The following ALS2 variants were observed in gnomAD, a reference collection of about 807,000 sequenced individuals.
ALS2 encodes alsin.
ALS2 carries 117 observed loss-of-function variants against 203.4 expected under a neutral mutation model. The ratio of observed to expected loss-of-function variants is 0.58; its 90% CI spans 0.50 to 0.67. ALS2 has a LOEUF of 0.67. ALS2 is among the 30% of genes least tolerant of loss of function. The probability of loss-of-function intolerance (pLI) is 0.00; values close to 1 mark genes in which losing one functional copy is unlikely to be tolerated. For synonymous variants in ALS2, 718 were observed against 725.9 expected (o/e 0.99, Z 0.17); for missense variants, 1,715 against 1,989.4 (o/e 0.86, Z 2.62).
At chr2:201,720,676 T>C (rs1440620052) in intron 23 of ALS2, among the ~76,000 whole-genome samples, 3 of 151,748 alleles carry the variant, frequency 2.0e-5, no homozygotes, top group African/African-American at 7.3e-5. Flanking sequence ...AACACGCCAC[T>C]GCACTCCAGC....
At chr2:201,763,496 G>T in intron 3 of ALS2, 2 of 284,520 alleles carry the variant, frequency 7.0e-6, no homozygotes, top group South Asian at 8.1e-5. Flanking sequence ...TCCGTATCAG[G>T]AATTCACTGG....
intron 23 of ALS2, among the ~76,000 whole-genome samples, chr2:201,721,429 T>C (rs981039700): frequency 1.3e-5 from 2 of 152,152 alleles, no homozygotes; most frequent in African/African-American, 2.4e-5. Context: ...TCAACAGTAA[T>C]CTAGATGGTG....
Position 201,761,777 on chromosome 2 carries a change from C to T in ALS2, c.217G>A (p.Gly73Arg), listed in dbSNP as rs755289146. Residue 73 changes from glycine (G) to arginine (R), a missense_variant, in exon 4 of 34, where the codon GGA becomes AGA. Around this residue, in one of 3 missense-constraint regions of ALS2, gnomAD observed 476 missense variants for 539.3 expected, o/e 0.88. Transcript: ENST00000264276. ...CTACTTGGACAAATCTCCACTGGTC[C>T]ACTTCTCCAGGGAAGAGTCCCAAAG... ...YSFGTLPWRS[G>R]PVEICPSSPI... is the part of the protein sequence containing the mutation. 7.4e-6 allele frequency: 12 copies of T among 1,613,536 alleles called. No individual in the cohort carries two copies. In the East Asian group the frequency reaches 2.5e-4, roughly 33 times the overall value.
At position 201,749,692 on chromosome 2, in the gene ALS2, T is replaced by C. The variant is rs1559072242; in HGVS notation, c.1815+20A>G. 1.3e-6 allele frequency: 2 copies of C among 1,598,590 alleles called. No individual in the cohort carries two copies. Among genetic ancestry groups the C allele is most frequent in the Non-Finnish European group, 1.7e-6 (2 of 1,165,908 alleles). ...AGCTAAGAATTGTGGAATAAGTTGC[T>C]ATCAAGTTCACAAAAGTACCTTTGC... On this transcript the variant is annotated intron_variant, in intron 8 of 33. Transcript: ENST00000264276.
chr2:201,771,026 A>G (rs1487796368), intron 1 of ALS2, among the ~76,000 whole-genome samples: 1 of 145,920 alleles, frequency 6.9e-6, no homozygotes, highest in Non-Finnish European at 1.5e-5. Flanking sequence ...ACATCTTTTT[A>G]CATCAGTATT....
intron 7 of ALS2, among the ~76,000 whole-genome samples, chr2:201,750,719 A>C (rs1692980270): frequency 6.6e-6 from 1 of 152,242 alleles, no homozygotes; most frequent in Admixed American, 6.5e-5. Flanking sequence ...ATCACTGATC[A>C]ACCACTTGGT....
Position 201,757,526 on chromosome 2 carries a change from G to A in ALS2, c.1347C>T (p.Ser449=), listed in dbSNP as rs1408786270. 26 of 1,614,036 alleles carry A rather than the reference G, an allele frequency of 1.6e-5. No individual in the cohort carries two copies. Among genetic ancestry groups the A allele is most frequent in the Non-Finnish European group, 2.2e-5 (26 of 1,179,990 alleles). ...SAIGPEGLKD[S]REEQVKQESM... is the part of the protein sequence containing the mutation. ...ATTCCTGTTTAACCTGTTCTTCCCTGCTATCTTTCAAACCTTCGGGGCCAA... is the reference window on the plus strand; with the variant it reads ...ATTCCTGTTTAACCTGTTCTTCCCTACTATCTTTCAAACCTTCGGGGCCAA... The change falls in exon 5 of 34, where the codon AGC becomes AGT. Residue 449 remains serine (S), a synonymous_variant. Coordinates refer to ENST00000264276, the MANE Select transcript of ALS2 (RefSeq NM_020919.4).
chr2:201,733,006 TCTGATA>T (rs1286703515), intron 13 of ALS2, among the ~76,000 whole-genome samples: 1 of 152,240 alleles, frequency 6.6e-6, no homozygotes, highest in African/African-American at 2.4e-5. Context: ...ATGAGTAGCA[TCTGATA>T]GAGTCTCAAC....
intron 22 of ALS2, 87 bp from the exon 23 acceptor site, chr2:201,723,207 G>A: frequency 2.2e-6 from 3 of 1,392,442 alleles, no homozygotes; most frequent in Non-Finnish European, 3.1e-6. Context: ...AAAGCCTTAT[G>A]GAATCTTAAA....
intron 25 of ALS2, among the ~76,000 whole-genome samples, chr2:201,712,020 G>C (rs543145293): frequency 2.6e-5 from 4 of 152,028 alleles, no homozygotes. Context: ...TAGAGTAGAA[G>C]GTAACAATTA....
intron 1 of ALS2, among the ~76,000 whole-genome samples, chr2:201,779,554 GAGTC>G (rs1485174678): frequency 6.6e-6 from 1 of 152,136 alleles, no homozygotes; most frequent in Non-Finnish European, 1.5e-5. Context: ...CTTAAGAAAA[GAGTC>G]AGTTTGGATC....
intron 24 of ALS2, chr2:201,716,822 T>C (rs1217465670): frequency 6.6e-6 from 1 of 151,984 alleles, no homozygotes; most frequent in Non-Finnish European, 1.5e-5. Flanking sequence ...GAATTTAAAA[T>C]GCATTACATA....
At position 201,761,352 on chromosome 2, in the gene ALS2, T is replaced by G; in HGVS notation, c.642A>C (p.Leu214Phe). Residue 214 changes from leucine to phenylalanine, a missense_variant, in exon 4 of 34, where the codon TTA becomes TTC. Around this residue, in one of 3 missense-constraint regions of ALS2, gnomAD observed 476 missense variants for 539.3 expected, o/e 0.88. Transcript: ENST00000264276. Reference protein sequence around the residue: ...LQVACGAFHSLALVQCLPSQD... With the variant: ...LQVACGAFHSFALVQCLPSQD... ...GGGAAGGGAGGCATTGTACAAGGGCTAAGCTGTGGAAAGCACCACAGGCAA... is the reference window on the plus strand; with the variant it reads ...GGGAAGGGAGGCATTGTACAAGGGCGAAGCTGTGGAAAGCACCACAGGCAA... 1 of 1,614,074 alleles carries G rather than the reference T, an allele frequency of 6.2e-7. No homozygotes were observed. Among genetic ancestry groups the G allele is most frequent in the Non-Finnish European group, 8.5e-7 (1 of 1,179,968 alleles).
At chr2:201,704,064 AT>A in intron 33 of ALS2, 57 bp downstream of exon 33, 1 of 1,459,812 alleles carries the variant, frequency 6.9e-7, no homozygotes, top group Non-Finnish European at 9.5e-7. Flanking sequence ...CATTTATAAT[AT>A]GGTAAATGAA....
chr2:201,752,378 C>T (rs1454237971), intron 7 of ALS2, among the ~76,000 whole-genome samples: 3 of 151,992 alleles, frequency 2.0e-5, no homozygotes, highest in Admixed American at 6.6e-5. Context: ...TATAATAAAG[C>T]CAGTAATTTT....
intron 7 of ALS2, 140 bp from the exon 8 acceptor site, chr2:201,749,929 T>C (rs1574761690): frequency 1.4e-6 from 1 of 721,074 alleles, no homozygotes; most frequent in Non-Finnish European, 2.5e-6. Context: ...TTTCACTCTT[T>C]AACAGATATT....
chr2:201,704,698 C>A lies in ALS2; in HGVS notation c.4689-95G>T. On this transcript the variant is annotated intron_variant, in intron 31 of 33. Transcript: ENST00000264276. Reference sequence around the variant, plus strand: ...TGACAATATTCCCTCCTGGGATTCACATGCCTTAACCCGGACACTTAGGCA... The same window carrying A: ...TGACAATATTCCCTCCTGGGATTCAAATGCCTTAACCCGGACACTTAGGCA... The A allele has an allele frequency of 3.6e-6, 5 of 1,395,650 alleles. No homozygotes were observed. In the Admixed American group the frequency reaches 8.5e-5, roughly 24 times the overall value. 86.5% of individuals were successfully genotyped at this position (1,395,650 alleles called of 1,614,324 possible).
At chr2:201,771,040 A>G (rs1197511273) in intron 1 of ALS2, among the ~76,000 whole-genome samples, 1 of 128,848 alleles carries the variant, frequency 7.8e-6, no homozygotes, top group Non-Finnish European at 1.6e-5. Context: ...CAGTATTTAC[A>G]GATTTTTTTT....
At chr2:201,706,768 A>G in intron 29 of ALS2, 78 bp downstream of exon 29, 2 of 1,513,206 alleles carry the variant, frequency 1.3e-6, no homozygotes, top group Admixed American at 1.7e-5. Flanking sequence ...ATTAGATATC[A>G]AAGTGCCAAA....
Sources: gnomAD v4.1 joint callset for allele counts (sites outside exome capture counted in the v4.1 genomes callset) on GRCh38, gnomAD v4.1.1 for gene constraint, gnomAD v4.1.1 regional missense constraint, MANE v1.5 for transcripts, NCBI Gene and HGNC (gene_info 2026-07-23, HGNC 2026-07-21) for gene names.